The following DLEC1 variants were observed in gnomAD, a reference collection of about 807,000 sequenced individuals.
DLEC1 encodes deleted in lung and esophageal cancer protein 1.
In DLEC1, 146 loss-of-function variants were observed where a neutral mutation model predicts 198.1. That is an observed-to-expected ratio of 0.74 (90% CI 0.64 to 0.85). DLEC1 has a LOEUF of 0.85. Ranked by LOEUF, DLEC1 falls within the 40% of genes least tolerant of loss-of-function variation. The pLI is 0.00. For synonymous variants in DLEC1, 897 were observed against 866.8 expected, an observed-to-expected ratio of 1.03 and a Z score of -0.61; for missense variants, 2,233 against 2,220.0, an observed-to-expected ratio of 1.01 and a Z score of -0.12.
At chr3:38,088,919 C>G (rs1027170154) in intron 10 of DLEC1, among the ~76,000 whole-genome samples, 1 of 152,144 alleles carries the variant, frequency 6.6e-6, no homozygotes. Context: ...TTTGCTGCCC[C>G]CTTCAGCTGA....
At chr3:38,062,509 C>A (rs1420127934) in intron 4 of DLEC1, 72 bp from the exon 5 acceptor site, 1 of 1,582,630 alleles carries the variant, frequency 6.3e-7, no homozygotes, top group Admixed American at 1.7e-5. Flanking sequence ...ATGGGTCATG[C>A]AGTTGGTCAA....
intron 6 of DLEC1, among the ~76,000 whole-genome samples, chr3:38,078,796 A>G (rs1292546933): frequency 6.6e-6 from 1 of 152,204 alleles, no homozygotes; most frequent in Non-Finnish European, 1.5e-5. Flanking sequence ...AGAGGGAGGT[A>G]TTGAGGACAG....
At chr3:38,109,584 TG>T in intron 22 of DLEC1, 22 bp downstream of exon 22, 2 of 1,613,762 alleles carry the variant, frequency 1.2e-6, no homozygotes, top group South Asian at 1.1e-5. Context: ...GTTGGTGGTC[TG>T]GGGGTGGCAG....
At chr3:38,095,666 G>A (rs753711385) in intron 13 of DLEC1, 19 of 556,284 alleles carry the variant, frequency 3.4e-5, no homozygotes, top group Non-Finnish European at 6.1e-5. Context: ...CTTGCACCCA[G>A]GCCCAGCTGA....
rs560650872 is a variant in DLEC1 at position 38,061,665 on chromosome 3, GTTGTTTGT to G, written c.674-493_674-486del. Among the ~76,000 whole-genome samples, 736 of 152,172 alleles carry G rather than the reference GTTGTTTGT, an allele frequency of 4.8e-3. 4 individuals carry two copies. Among genetic ancestry groups the G allele is most frequent in the Middle Eastern group, 0.017 (5 of 294 alleles). On this transcript the variant is annotated intron_variant, in intron 3 of 36. Transcript: ENST00000308059. ...TAACACTCTAGTCCTAAATTTTGTT[GTTGTTTGT>G]TTGTTTGTTTTTGAGACCGGGTCTT...
intron 9 of DLEC1, 125 bp downstream of exon 9, chr3:38,086,502 C>A: frequency 7.7e-7 from 1 of 1,305,222 alleles, no homozygotes; most frequent in Non-Finnish European, 1.0e-6. Flanking sequence ...TGTAAACTCT[C>A]TATGCAACTG....
intron 1 of DLEC1, among the ~76,000 whole-genome samples, chr3:38,040,030 C>T (rs957667977): frequency 2.0e-5 from 3 of 152,186 alleles, no homozygotes; most frequent in African/African-American, 7.2e-5. Context: ...GCCATTCATG[C>T]GCAGATTTTA....
intron 6 of DLEC1, among the ~76,000 whole-genome samples, chr3:38,066,635 C>T (rs1410904003): frequency 2.0e-5 from 3 of 152,220 alleles, no homozygotes. Flanking sequence ...CAAGACCAAG[C>T]TTAGCAGTCA....
chr3:38,122,144 C>T lies in DLEC1; in HGVS notation c.5094C>T (p.Ser1698=), dbSNP rs755256087. 34 of 1,614,010 alleles carry T rather than the reference C, an allele frequency of 2.1e-5. No individual in the cohort carries two copies. Among genetic ancestry groups the T allele is most frequent in the African/African-American group, 9.3e-5 (7 of 74,924 alleles). ...SPNSGLLEAR[S]ANAPPTSIAL... ...ACAGTGGGCTGCTAGAAGCACGATC[C>T]GCCAATGCACCCCCAACCTCCATCG... is the stretch of plus-strand genomic sequence containing the variant. The change falls in exon 36 of 37, where the codon TCC becomes TCT. Residue 1698 remains serine, a synonymous_variant. Transcript: ENST00000308059.
intron 6 of DLEC1, among the ~76,000 whole-genome samples, chr3:38,065,086 C>T (rs552281274): frequency 3.9e-5 from 6 of 152,344 alleles, no homozygotes; most frequent in African/African-American, 9.6e-5. Context: ...TCTGCAATCC[C>T]GGCACCTCGG....
chr3:38,073,189 T>C (rs1250916347), intron 6 of DLEC1, among the ~76,000 whole-genome samples: 2 of 152,110 alleles, frequency 1.3e-5, no homozygotes, highest in African/African-American at 4.8e-5. Flanking sequence ...GAGGAAGGTA[T>C]TGAGGACAAA....
chr3:38,103,764 A>T (rs1363127109), intron 19 of DLEC1: 1 of 152,212 alleles, frequency 6.6e-6, no homozygotes, highest in Non-Finnish European at 1.5e-5. Flanking sequence ...TCTAATTTCA[A>T]TATTGTTGTG....
intron 10 of DLEC1, among the ~76,000 whole-genome samples, chr3:38,088,827 G>A (rs1005675865): frequency 4.0e-5 from 6 of 151,804 alleles, no homozygotes; most frequent in East Asian, 1.9e-4. Context: ...GCCCAACTCC[G>A]TTACGCCTCA....
chr3:38,084,473 G>T (rs62240742), intron 7 of DLEC1, among the ~76,000 whole-genome samples: 4 of 88,466 alleles, frequency 4.5e-5, no homozygotes, highest in South Asian at 3.9e-4. Context: ...TAGTAGTGGT[G>T]GTGGTGGTAG....
chr3:38,118,271 C>T (rs1700289911), intron 33 of DLEC1, among the ~76,000 whole-genome samples: 1 of 152,186 alleles, frequency 6.6e-6, no homozygotes, highest in Non-Finnish European at 1.5e-5. Flanking sequence ...CATGCACGTG[C>T]TCCATAAATG....
chr3:38,084,679 C>T (rs140952663), intron 7 of DLEC1, among the ~76,000 whole-genome samples: 90 of 148,106 alleles, frequency 6.1e-4, no homozygotes, highest in East Asian at 4.0e-4. Context: ...CAGTTGCTGA[C>T]TCCCGCCCTG....
In DLEC1 at chr3:38,093,838, G is replaced by T; in HGVS notation, c.1919+71G>T. Reference sequence around the variant, plus strand: ...CTTACCTGGCCCTCAGTCCCAGTGAGACAGGAGGTCCTTCCAAGGGCCTGG... The same window carrying T: ...CTTACCTGGCCCTCAGTCCCAGTGATACAGGAGGTCCTTCCAAGGGCCTGG... On this transcript the variant is annotated intron_variant, in intron 12 of 36. Transcript: ENST00000308059. The T allele has an allele frequency of 4.4e-6, 7 of 1,578,428 alleles. No homozygotes were observed. In the South Asian group the frequency reaches 8.1e-5, roughly 18 times the overall value.
intron 2 of DLEC1, among the ~76,000 whole-genome samples, chr3:38,057,848 G>A (rs566898151): frequency 1.5e-4 from 21 of 143,644 alleles, no homozygotes; most frequent in Admixed American, 5.0e-4. Flanking sequence ...ACAGAGTCTC[G>A]CTCTGTTGCC....
intron 18 of DLEC1, 72 bp downstream of exon 18, chr3:38,097,974 C>A: frequency 6.3e-7 from 1 of 1,588,776 alleles, no homozygotes. Context: ...GTGAAACTTG[C>A]CCTGGTGTGT....
Sources: allele counts gnomAD v4.1 joint callset (sites outside exome capture counted in the v4.1 genomes callset), GRCh38; gene constraint gnomAD v4.1.1; transcripts MANE v1.5; gene names NCBI Gene and HGNC (gene_info 2026-07-23, HGNC 2026-07-21).